Variants in IL1RAPL1 observed in about 807,000 individuals in gnomAD.
IL1RAPL1 encodes the protein interleukin 1 receptor accessory protein like 1, also known as interleukin-1 receptor accessory protein-like 1.
Under a neutral mutation model 48.4 loss-of-function variants are expected in IL1RAPL1, and 3 were observed. That is an observed-to-expected ratio of 0.06 (90% CI 0.03 to 0.16). The LOEUF (loss-of-function observed/expected upper bound fraction) is 0.16, where lower values mean the gene tolerates loss of function less well. IL1RAPL1 is among the 10% of genes least tolerant of loss of function. The probability of loss-of-function intolerance (pLI) is 1.00; values close to 1 mark genes in which losing one functional copy is unlikely to be tolerated. For synonymous variants in IL1RAPL1, 185 were observed against 187.7 expected, an observed-to-expected ratio of 0.99 and a Z score of 0.12; for missense variants, 349 against 530.6, an observed-to-expected ratio of 0.66 and a Z score of 3.36.
chrX:28,876,445 G>C (rs1440033277), intron 2 of IL1RAPL1, among the ~76,000 whole-genome samples: 9 of 111,821 alleles, frequency 8.0e-5, no homozygotes, highest in Admixed American at 9.5e-5. Flanking sequence ...ACCAGATTTA[G>C]AAGAGCATTA....
At chrX:29,391,823 C>G (rs1232142800) in intron 3 of IL1RAPL1, among the ~76,000 whole-genome samples, 1 of 111,574 alleles carries the variant, frequency 9.0e-6, no homozygotes, top group Non-Finnish European at 1.9e-5. Flanking sequence ...ATAGAAGAGA[C>G]CAGTGAATTA....
intron 1 of IL1RAPL1, among the ~76,000 whole-genome samples, chrX:28,634,188 T>A (rs1471373321): frequency 1.8e-5 from 2 of 109,572 alleles, no homozygotes; most frequent in African/African-American, 6.6e-5. Context: ...TTTTGTATTT[T>A]TAGTAGAGAT....
intron 2 of IL1RAPL1, among the ~76,000 whole-genome samples, chrX:29,226,034 T>C (rs977437625): frequency 1.8e-5 from 2 of 111,596 alleles, no homozygotes; most frequent in African/African-American, 6.5e-5. Flanking sequence ...GTCAATGCCA[T>C]TGGTCTGCAA....
intron 3 of IL1RAPL1, among the ~76,000 whole-genome samples, chrX:29,310,453 G>C (rs1218848631): frequency 9.0e-6 from 1 of 111,510 alleles, no homozygotes; most frequent in African/African-American, 3.3e-5. Context: ...TTTGGAATCT[G>C]ACTAATGAGA....
chrX:29,897,671 C>T (rs932767773), intron 6 of IL1RAPL1, among the ~76,000 whole-genome samples: 18 of 111,979 alleles, frequency 1.6e-4, no homozygotes, highest in Admixed American at 6.6e-4. Flanking sequence ...GGGAAGCTCA[C>T]GGTCTTTAAA....
intron 1 of IL1RAPL1, among the ~76,000 whole-genome samples, chrX:28,680,600 G>A (rs1162327041): frequency 3.6e-5 from 4 of 111,252 alleles, no homozygotes; most frequent in Admixed American, 1.9e-4. Flanking sequence ...TTCATATGTT[G>A]TCTTTATTAT....
rs377290391 is a variant in IL1RAPL1, at chrX:28,760,815, C to T, written c.-24-28505C>T. On this transcript the variant is annotated intron_variant, in intron 1 of 10. Coordinates refer to ENST00000378993, the MANE Select transcript of IL1RAPL1 (RefSeq NM_014271.4). Reference sequence around the variant, plus strand: ...AAAGTCAAAAAAGATTGGCTGGGCGCGGTGGCTCATGCCTGTAATCCCAGC... The same window carrying T: ...AAAGTCAAAAAAGATTGGCTGGGCGTGGTGGCTCATGCCTGTAATCCCAGC... Among the ~76,000 whole-genome samples the T allele has an allele frequency of 1.3e-4, 14 of 110,788 alleles. No homozygotes were observed. The East Asian group carries it at 4.0e-3, about 32-fold the overall frequency.
chrX:28,636,831 T>C (rs1402602313), intron 1 of IL1RAPL1, among the ~76,000 whole-genome samples: 4 of 111,852 alleles, frequency 3.6e-5, no homozygotes, highest in Non-Finnish European at 7.5e-5. Context: ...ACTGGGTCAA[T>C]CACCACCCCT....
chrX:29,611,406 C>A (rs1924090342), intron 5 of IL1RAPL1, among the ~76,000 whole-genome samples: 1 of 111,612 alleles, frequency 9.0e-6, no homozygotes, highest in Admixed American at 9.5e-5. Flanking sequence ...TTAAATTTAC[C>A]TGTAGCCTGG....
At chrX:29,766,327 C>CAA (rs1220003136) in intron 6 of IL1RAPL1, among the ~76,000 whole-genome samples, 23 of 25,525 alleles carry the variant, frequency 9.0e-4, no homozygotes, top group East Asian at 5.1e-3. Flanking sequence ...GACTCCGTCT[C>CAA]AAAAAAAAAA....
intron 5 of IL1RAPL1, among the ~76,000 whole-genome samples, chrX:29,548,137 T>C (rs948614089): frequency 2.7e-5 from 3 of 112,786 alleles, no homozygotes; most frequent in Non-Finnish European, 3.8e-5. Flanking sequence ...AAATGAGATC[T>C]GAAACGAAAC....
chrX:29,210,608 A>G (rs1265504454), intron 2 of IL1RAPL1, among the ~76,000 whole-genome samples: 2 of 111,966 alleles, frequency 1.8e-5, no homozygotes, highest in Admixed American at 1.9e-4. Context: ...GTATTCAGTC[A>G]TATTATCATG....
chrX:28,928,465 C>A (rs1022066908), intron 2 of IL1RAPL1, among the ~76,000 whole-genome samples: 4 of 111,868 alleles, frequency 3.6e-5, no homozygotes, highest in African/African-American at 1.3e-4. Context: ...AATATTTTAA[C>A]CTGGTCTACA....
intron 2 of IL1RAPL1, among the ~76,000 whole-genome samples, chrX:28,971,892 G>GTT (rs763413630): frequency 9.4e-6 from 1 of 106,655 alleles, no homozygotes; most frequent in Non-Finnish European, 1.9e-5. Context: ...GTGTGTGTGT[G>GTT]TGTGTGTGTG....
chrX:29,505,393 T>TC (rs921679798), intron 5 of IL1RAPL1, among the ~76,000 whole-genome samples: 1 of 111,866 alleles, frequency 8.9e-6, no homozygotes, highest in Non-Finnish European at 1.9e-5. Flanking sequence ...TTTTTTCAGA[T>TC]CGAAGAACTC....
intron 5 of IL1RAPL1, among the ~76,000 whole-genome samples, chrX:29,593,269 T>C (rs932401301): frequency 1.8e-4 from 20 of 111,806 alleles, no homozygotes; most frequent in African/African-American, 6.2e-4. Context: ...AACTTTGTGA[T>C]GTCATTGGTG....
At chrX:28,964,894 T>C (rs750687020) in intron 2 of IL1RAPL1, among the ~76,000 whole-genome samples, 1 of 111,179 alleles carries the variant, frequency 9.0e-6, no homozygotes, top group South Asian at 3.7e-4. Flanking sequence ...ATTGCGTACA[T>C]GCATGTGTGA....
At chrX:28,743,425 GA>G in intron 1 of IL1RAPL1, among the ~76,000 whole-genome samples, 1 of 111,559 alleles carries the variant, frequency 9.0e-6, no homozygotes, top group Non-Finnish European at 1.9e-5. Context: ...AAGTCATACA[GA>G]CAAAGCTAAG....
At chrX:29,562,115 A>ATCTAATCTATCT (rs1488435661) in intron 5 of IL1RAPL1, among the ~76,000 whole-genome samples, 3 of 60,012 alleles carry the variant, frequency 5.0e-5, no homozygotes, top group African/African-American at 2.2e-4. Flanking sequence ...CTATCTATCT[A>ATCTAATCTATCT]ATCTATCTAT....
Sources: gnomAD v4.1 joint callset for allele counts (sites outside exome capture counted in the v4.1 genomes callset) on GRCh38, gnomAD v4.1.1 for gene constraint, MANE v1.5 for transcripts, NCBI Gene and HGNC (gene_info 2026-07-23, HGNC 2026-07-21) for gene names.